Variants in N4BP2L2 observed in about 807,000 individuals in gnomAD.
The protein encoded by N4BP2L2 is NEDD4-binding protein 2-like 2.
Under a neutral mutation model 56.2 loss-of-function variants are expected in N4BP2L2, and 50 were observed. The ratio of observed to expected loss-of-function variants is 0.89; its 90% confidence interval spans 0.71 to 1.13. The LOEUF is 1.13. Among genes scored for constraint, N4BP2L2 ranks in the 50% most tolerant of loss-of-function variants. N4BP2L2 has a pLI of 0.00. For synonymous variants in N4BP2L2, 203 were observed against 223.6 expected, an observed-to-expected ratio of 0.91 and a Z score of 0.82; for missense variants, 689 against 693.8, an observed-to-expected ratio of 0.99 and a Z score of 0.08.
At chr13:32,538,262 G>A (rs1226947604) in intron 1 of N4BP2L2, among the ~76,000 whole-genome samples, 2 of 151,850 alleles carry the variant, frequency 1.3e-5, no homozygotes, top group Non-Finnish European at 2.9e-5. Flanking sequence ...CAACTGCGGA[G>A]AACGCCAAAA....
At chr13:32,503,122 G>A (rs2090313924) in intron 6 of N4BP2L2, among the ~76,000 whole-genome samples, 3 of 128,136 alleles carry the variant, frequency 2.3e-5, no homozygotes. Flanking sequence ...GCAGTGAGCT[G>A]AGATCATGCC....
intron 6 of N4BP2L2, among the ~76,000 whole-genome samples, chr13:32,500,462 T>G (rs1206636420): frequency 6.7e-6 from 1 of 149,622 alleles, no homozygotes; most frequent in Non-Finnish European, 1.5e-5. Flanking sequence ...CCAGGTGCAG[T>G]GGCTCTTGCC....
chr13:32,485,144 A>C (rs1265578453), intron 6 of N4BP2L2, among the ~76,000 whole-genome samples: 1 of 152,130 alleles, frequency 6.6e-6, no homozygotes, highest in East Asian at 1.9e-4. Flanking sequence ...CTTCCTTGTT[A>C]TTTTGTTTGT....
intron 6 of N4BP2L2, among the ~76,000 whole-genome samples, chr13:32,493,053 G>T (rs866030123): frequency 6.6e-6 from 1 of 151,006 alleles, no homozygotes. Context: ...CTCCCGAGTA[G>T]CTGGGATTAC....
chr13:32,466,210 G>A (rs1445781624), intron 6 of N4BP2L2, among the ~76,000 whole-genome samples: 1 of 152,102 alleles, frequency 6.6e-6, no homozygotes, highest in East Asian at 1.9e-4. Flanking sequence ...ATATTGTAGT[G>A]AAAATAAATG....
At chr13:32,521,249 G>T in intron 5 of N4BP2L2, 124 bp downstream of exon 5, 1 of 732,860 alleles carries the variant, frequency 1.4e-6, no homozygotes, top group Non-Finnish European at 2.3e-6. Flanking sequence ...GAGAAAAAAG[G>T]TCCTCACATT....
chr13:32,464,871 A>T (rs2080933126), intron 6 of N4BP2L2, among the ~76,000 whole-genome samples: 1 of 152,246 alleles, frequency 6.6e-6, no homozygotes, highest in African/African-American at 2.4e-5. Context: ...AAACTAATAC[A>T]AATTAAAACC....
chr13:32,472,159 T>A (rs775900880), intron 6 of N4BP2L2, among the ~76,000 whole-genome samples: 36 of 152,208 alleles, frequency 2.4e-4, no homozygotes, highest in Admixed American at 1.4e-3. Flanking sequence ...AGCGGATTAA[T>A]AAAAAAAGGT....
intron 3 of N4BP2L2, among the ~76,000 whole-genome samples, chr13:32,526,137 A>AAGCAAATAGACAACTAC (rs1328444995): frequency 2.6e-5 from 4 of 152,226 alleles, no homozygotes; most frequent in African/African-American, 9.6e-5. Flanking sequence ...TAACACCAAG[A>AAGCAAATAGACAACTAC]AGCAAATAGA....
rs1593765402 is a variant in N4BP2L2, at chr13:32,483,290, A to C, written c.365+34567T>G. Among the ~76,000 whole-genome samples, 5 of 152,260 alleles carry C rather than the reference A, an allele frequency of 3.3e-5. No homozygotes were observed. In the East Asian group the frequency reaches 9.6e-4, roughly 29 times the overall value. ...GCAACTGGAAAACTAAGTCAAGTTC[A>C]TATGCTACAGATAAGGGCAGAGAAG... On this transcript the variant is annotated intron_variant, in intron 6 of 9. Transcript: ENST00000357505.
chr13:32,533,110 G>C (rs1219755145), intron 2 of N4BP2L2, among the ~76,000 whole-genome samples: 1 of 152,106 alleles, frequency 6.6e-6, no homozygotes, highest in Non-Finnish European at 1.5e-5. Context: ...AATTTTAATA[G>C]CTGGTGGGAT....
In N4BP2L2 at chr13:32,516,999, C is replaced by A. The variant is rs547177362; in HGVS notation, c.*803G>T. 3.7e-5 allele frequency: 36 copies of A among 969,016 alleles called. No individual in the cohort carries two copies. The African/African-American group carries it at 5.8e-4, about 16-fold the overall frequency. The allele number at this position is 969,016 out of a possible 1,614,324, so 60.0% of individuals were successfully genotyped here. On this transcript the variant is annotated 3_prime_UTR_variant, in exon 6 of 6. Transcript: ENST00000267068. ...AGAAAAATTAGTACTAGAAGATATT[C>A]TATAGTACAAATCCTCTTATGACCA... is the stretch of plus-strand genomic sequence containing the variant.
At chr13:32,524,783 G>C (rs2052180242) in intron 3 of N4BP2L2, 1 of 148,156 alleles carries the variant, frequency 6.7e-6, no homozygotes, top group Non-Finnish European at 1.5e-5. Flanking sequence ...TGTTTGTTGA[G>C]ACAGAATCTT....
intron 6 of N4BP2L2, among the ~76,000 whole-genome samples, chr13:32,461,343 G>GA: frequency 6.6e-6 from 1 of 152,160 alleles, no homozygotes; most frequent in Non-Finnish European, 1.5e-5. Flanking sequence ...ATGAATGGAA[G>GA]AAAATATTTG....
At chr13:32,517,810 T>A (rs761052550) in exon 6 of N4BP2L2, 22 of 1,612,916 alleles carry the variant, frequency 1.4e-5, no homozygotes, top group Non-Finnish European at 1.7e-5. Context: ...ATTTAATGAT[T>A]ATTTGTGACA....
At chr13:32,444,059 T>C (rs2076677376) in exon 7 of N4BP2L2, 1 of 1,595,118 alleles carries the variant, frequency 6.3e-7, no homozygotes, top group Non-Finnish European at 8.5e-7. Context: ...TGCTTTTTGT[T>C]TCTTTTTCTG....
intron 6 of N4BP2L2, among the ~76,000 whole-genome samples, chr13:32,487,478 A>C (rs2139263359): frequency 6.6e-6 from 1 of 151,770 alleles, no homozygotes; most frequent in South Asian, 2.1e-4. Context: ...TAAAAAAAAA[A>C]AAAAAAGGAA....
At chr13:32,530,814 T>G (rs2140245882) in intron 2 of N4BP2L2, among the ~76,000 whole-genome samples, 1 of 151,326 alleles carries the variant, frequency 6.6e-6, no homozygotes. Context: ...TATCCTGCAG[T>G]ATGCTTGGAT....
chr13:32,495,910 T>G (rs546629582), intron 6 of N4BP2L2, among the ~76,000 whole-genome samples: 1 of 152,238 alleles, frequency 6.6e-6, no homozygotes, highest in African/African-American at 2.4e-5. Flanking sequence ...TCTTAACTCC[T>G]GACTTCAAGT....
Sources: gnomAD v4.1 joint callset for allele counts (sites outside exome capture counted in the v4.1 genomes callset) on GRCh38, gnomAD v4.1.1 for gene constraint, MANE v1.5 for transcripts, NCBI Gene and HGNC (gene_info 2026-07-23, HGNC 2026-07-21) for gene names.